Variants in PDE10A observed in about 807,000 individuals in gnomAD.
PDE10A encodes cAMP and cAMP-inhibited cGMP 3',5'-cyclic phosphodiesterase 10A.
In PDE10A, 39 loss-of-function variants were observed where a neutral mutation model predicts 97.7. The ratio of observed to expected loss-of-function variants is 0.40; its 90% CI spans 0.31 to 0.52. The LOEUF (loss-of-function observed/expected upper bound fraction) is 0.52. Ranked by LOEUF, PDE10A falls within the 20% of genes least tolerant of loss-of-function variation. The pLI is 0.56. For synonymous variants in PDE10A, 371 were observed against 376.8 expected (o/e 0.98, Z 0.18); for missense variants, 731 against 1,047.8 (o/e 0.70, Z 4.17).
At chr6:165,339,187 T>C (rs1475628508) in intron 20 of PDE10A, 91 bp downstream of exon 20, 2 of 802,982 alleles carry the variant, frequency 2.5e-6, no homozygotes, top group African/African-American at 1.7e-5. Context: ...TAACATAATA[T>C]ATGATGACAT....
chr6:165,748,457 CT>C (rs1472922617), intron 1 of PDE10A, among the ~76,000 whole-genome samples: 62 of 152,318 alleles, frequency 4.1e-4, no homozygotes, highest in African/African-American at 1.5e-3. Context: ...CTCTCCGTAG[CT>C]TGGAATTGTA....
At chr6:165,369,447 G>A (rs963687819) in intron 18 of PDE10A, among the ~76,000 whole-genome samples, 6 of 151,388 alleles carry the variant, frequency 4.0e-5, no homozygotes, top group Non-Finnish European at 7.4e-5. Context: ...AGCCTCAGGA[G>A]CTGATGCGAT....
Position 165,336,188 on chromosome 6 carries a change from G to A in PDE10A, c.3000C>T (p.Ala1000=), listed in dbSNP as rs2128175300. 3.1e-6 allele frequency: 5 copies of A among 1,614,042 alleles called. No individual in the cohort carries two copies. In the East Asian group the frequency reaches 6.7e-5, roughly 22 times the overall value. Residue 1000 remains alanine (A), a synonymous_variant, in exon 21 of 22, where the codon GCC becomes GCT. Transcript: ENST00000539869. ...QGQLGFYNAV[A]IPCYTTLTQI... is the part of the protein sequence containing the mutation. ...GGGTAAGGGTTGTATAGCAGGGAAT[G>A]GCCACGGCATTGTAGAACCCAAGCT...
chr6:165,890,587 G>C (rs1458481957), intron 1 of PDE10A, among the ~76,000 whole-genome samples: 2 of 152,112 alleles, frequency 1.3e-5, no homozygotes, highest in Non-Finnish European at 2.9e-5. Context: ...CCTCCTCTAG[G>C]CAGGTAGAGA....
At chr6:165,454,446 G>A (rs543946935) in intron 3 of PDE10A, among the ~76,000 whole-genome samples, 4 of 152,268 alleles carry the variant, frequency 2.6e-5, no homozygotes, top group South Asian at 2.1e-4. Flanking sequence ...GCAACAGTAC[G>A]GAGAGGTGGG....
At chr6:165,556,815 C>T (rs1784277723) in intron 1 of PDE10A, among the ~76,000 whole-genome samples, 1 of 151,828 alleles carries the variant, frequency 6.6e-6, no homozygotes, top group Non-Finnish European at 1.5e-5. Context: ...CTGAGGTTTT[C>T]AGTAAAGCCT....
At chr6:165,506,309 G>A (rs541286094) in intron 2 of PDE10A, among the ~76,000 whole-genome samples, 2 of 152,124 alleles carry the variant, frequency 1.3e-5, no homozygotes, top group African/African-American at 4.8e-5. Flanking sequence ...CCTTTAGATA[G>A]GCATTACGGT....
At chr6:165,613,554 T>C (rs1164609763) in intron 1 of PDE10A, among the ~76,000 whole-genome samples, 3 of 152,024 alleles carry the variant, frequency 2.0e-5, no homozygotes, top group Admixed American at 1.3e-4. Flanking sequence ...TGTGGGGGGA[T>C]TCCTTGAGCC....
Position 165,730,620 on chromosome 6 carries a change from G to A in PDE10A, c.-614-187052C>T, listed in dbSNP as rs965542440. Among the ~76,000 whole-genome samples the A allele has an allele frequency of 4.6e-5, 7 of 151,924 alleles. No homozygotes were observed. The South Asian group carries it at 6.3e-4, about 14-fold the overall frequency. ...TATAAAAAATTAACTGGGCATGGTA[G>A]CGCATGCCTCTAATCCCAGCTACTC... On this transcript the variant is annotated intron_variant, in intron 1 of 19. Transcript: ENST00000366882.
At chr6:165,926,982 A>G (rs1168569579) in intron 1 of PDE10A, among the ~76,000 whole-genome samples, 1 of 152,076 alleles carries the variant, frequency 6.6e-6, no homozygotes, top group African/African-American at 2.4e-5. Context: ...AAGATTCATT[A>G]AAAAGCACAT....
At chr6:165,842,447 A>G (rs1231208162) in intron 1 of PDE10A, among the ~76,000 whole-genome samples, 3 of 152,270 alleles carry the variant, frequency 2.0e-5, no homozygotes, top group Non-Finnish European at 2.9e-5. Flanking sequence ...GTAGGCATTC[A>G]TATTTAAATC....
At chr6:165,943,595 G>A (rs201588625) in intron 1 of PDE10A, among the ~76,000 whole-genome samples, 28 of 152,246 alleles carry the variant, frequency 1.8e-4, no homozygotes, top group East Asian at 1.2e-3. Context: ...TTCCAGGGCC[G>A]GAGAAGATGA....
chr6:165,817,619 C>T (rs1174432330), intron 1 of PDE10A, among the ~76,000 whole-genome samples: 1 of 152,154 alleles, frequency 6.6e-6, no homozygotes, highest in Non-Finnish European at 1.5e-5. Context: ...ACATGGATGG[C>T]TGGTCCCTGC....
At chr6:165,570,976 G>A (rs956978504) in intron 1 of PDE10A, among the ~76,000 whole-genome samples, 4 of 152,158 alleles carry the variant, frequency 2.6e-5, no homozygotes, top group Admixed American at 2.6e-4. Flanking sequence ...GAGGATTGGG[G>A]TTACAAATCA....
chr6:165,936,984 G>T (rs1032536404), intron 1 of PDE10A, among the ~76,000 whole-genome samples: 1 of 152,230 alleles, frequency 6.6e-6, no homozygotes, highest in Non-Finnish European at 1.5e-5. Flanking sequence ...AGCTTGTATT[G>T]TTGGGAACTT....
intron 1 of PDE10A, among the ~76,000 whole-genome samples, chr6:165,926,840 G>T (rs572986196): frequency 2.7e-4 from 41 of 152,236 alleles, no homozygotes; most frequent in African/African-American, 9.4e-4. Context: ...ACATCAAAAA[G>T]GATTTCATTT....
intron 1 of PDE10A, among the ~76,000 whole-genome samples, chr6:165,552,592 C>G (rs1784071458): frequency 6.6e-6 from 1 of 152,190 alleles, no homozygotes; most frequent in Non-Finnish European, 1.5e-5. Context: ...GTAGGTAACA[C>G]TAGACAAACA....
At chr6:165,547,900 T>C (rs1488283124) in intron 1 of PDE10A, among the ~76,000 whole-genome samples, 2 of 152,240 alleles carry the variant, frequency 1.3e-5, no homozygotes, top group African/African-American at 4.8e-5. Flanking sequence ...AACACATTAC[T>C]ATGCTACCCT....
intron 16 of PDE10A, among the ~76,000 whole-genome samples, chr6:165,391,393 G>T (rs220795): frequency 0.19 from 29,352 of 151,828 alleles, 2,948 homozygotes; most frequent in Middle Eastern, 0.3. Context: ...CAATTTTTTT[G>T]AATATAAATT....
Sources: allele counts gnomAD v4.1 joint callset (sites outside exome capture counted in the v4.1 genomes callset), GRCh38; gene constraint gnomAD v4.1.1; transcripts MANE v1.5; gene names NCBI Gene and HGNC (gene_info 2026-07-23, HGNC 2026-07-21).